LEMD1: variants seen among roughly 807,000 people sequenced by gnomAD.
LEMD1 encodes the protein LEM domain-containing protein 1.
LEMD1 carries 18 observed loss-of-function variants against 17.4 expected under a neutral mutation model. The ratio of observed to expected loss-of-function variants is 1.04; its 90% CI spans 0.72 to 1.54. The LOEUF (loss-of-function observed/expected upper bound fraction) is 1.54. LEMD1 is among the 40% of genes most tolerant of loss of function. The pLI, the probability that LEMD1 is intolerant of heterozygous loss-of-function variation, is 0.00. For missense variants in LEMD1, 195 were observed against 210.4 expected, an observed-to-expected ratio of 0.93 and a Z score of 0.45; for synonymous variants, 88 against 77.8, an observed-to-expected ratio of 1.13 and a Z score of -0.69.
At chr1:205,408,215 A>G (rs1363906804) in intron 4 of LEMD1, among the ~76,000 whole-genome samples, 2 of 152,098 alleles carry the variant, frequency 1.3e-5, no homozygotes, top group African/African-American at 4.8e-5. Flanking sequence ...GGAGGATCAT[A>G]TGGTGGTTAT....
At chr1:205,411,622 G>C (rs1665442666) in intron 4 of LEMD1, among the ~76,000 whole-genome samples, 1 of 143,066 alleles carries the variant, frequency 7.0e-6, no homozygotes, top group South Asian at 2.3e-4. Context: ...AAGAAGGAAA[G>C]AAGGAAGGAA....
intron 4 of LEMD1, among the ~76,000 whole-genome samples, chr1:205,404,158 C>A (rs1162338266): frequency 6.6e-6 from 1 of 152,010 alleles, no homozygotes; most frequent in East Asian, 1.9e-4. Context: ...TGGTGTGGTG[C>A]TGAAAAAAAT....
chr1:205,381,477 T>A lies in LEMD1; in HGVS notation c.*181A>T. 1 of 627,498 alleles carries A rather than the reference T, an allele frequency of 1.6e-6. No individual in the cohort carries two copies. The highest frequency in any genetic ancestry group is 2.8e-5 in the Admixed American group (1 of 35,216). The allele number at this position is 627,498 out of a possible 1,614,324, so 38.9% of individuals were successfully genotyped here. A position where few individuals can be genotyped will look rare whatever the true frequency, so the allele number is the denominator to read the frequency against. On this transcript the variant is annotated 3_prime_UTR_variant, in exon 6 of 6. Coordinates refer to ENST00000367153, the MANE Select transcript of LEMD1 (RefSeq NM_001199050.2). Reference sequence around the variant, plus strand: ...CCATCATGCTCTTAACACAGGTGCCTGGTTAGGCAGGTTCCTTCCACCTGG... The same window carrying A: ...CCATCATGCTCTTAACACAGGTGCCAGGTTAGGCAGGTTCCTTCCACCTGG...
At chr1:205,388,012 C>T (rs555895330) in intron 4 of LEMD1, among the ~76,000 whole-genome samples, 2 of 152,210 alleles carry the variant, frequency 1.3e-5, no homozygotes, top group Non-Finnish European at 2.9e-5. Context: ...AACCCTGAGG[C>T]ATGGAGCGTT....
At chr1:205,435,888 C>T (rs1666196664) in intron 1 of LEMD1, 1 of 152,208 alleles carries the variant, frequency 6.6e-6, no homozygotes. Flanking sequence ...TGAGGGGTGA[C>T]CTTAGGGGTT....
chr1:205,385,925 GGACT>G (rs1440080100), intron 4 of LEMD1: 2 of 152,452 alleles, frequency 1.3e-5, no homozygotes, highest in Non-Finnish European at 2.9e-5. Flanking sequence ...GACAGGGAAA[GGACT>G]GACAGAGACC....
At chr1:205,404,855 A>T (rs1032529762) in intron 4 of LEMD1, among the ~76,000 whole-genome samples, 3 of 151,832 alleles carry the variant, frequency 2.0e-5, no homozygotes, top group Non-Finnish European at 2.9e-5. Flanking sequence ...GTGCCTTTCC[A>T]TGTTTAGTGC....
At chr1:205,422,375 C>A (rs886329282), upstream of LEMD1, among the ~76,000 whole-genome samples, 1 of 152,114 alleles carries the variant, frequency 6.6e-6, no homozygotes, top group African/African-American at 2.4e-5. Flanking sequence ...CATCAAAAGG[C>A]CCATACTAGT....
chr1:205,385,155 T>C (rs1663930153), intron 4 of LEMD1: 1 of 152,148 alleles, frequency 6.6e-6, no homozygotes, highest in Admixed American at 6.5e-5. Context: ...CTCAGATCAC[T>C]CTTCTATGCT....
chr1:205,384,642 A>AT (rs1295638392), intron 4 of LEMD1, among the ~76,000 whole-genome samples: 2 of 152,214 alleles, frequency 1.3e-5, no homozygotes, highest in African/African-American at 4.8e-5. Flanking sequence ...CTGTTCTTAA[A>AT]TATCAGCTCT....
chr1:205,389,538 C>G (rs1664231043), intron 4 of LEMD1, among the ~76,000 whole-genome samples: 1 of 152,170 alleles, frequency 6.6e-6, no homozygotes, highest in Admixed American at 6.5e-5. Flanking sequence ...GCCCAGTTTC[C>G]TACCCTTTCT....
At chr1:205,415,595 T>G (rs1313529099) in intron 4 of LEMD1, among the ~76,000 whole-genome samples, 2 of 152,170 alleles carry the variant, frequency 1.3e-5, no homozygotes, top group African/African-American at 4.8e-5. Flanking sequence ...TGGAGTTCAT[T>G]ATTAAGCACT....
chr1:205,429,486 T>C (rs1352117789), intron 1 of LEMD1, among the ~76,000 whole-genome samples: 2 of 152,184 alleles, frequency 1.3e-5, no homozygotes, highest in South Asian at 2.1e-4. Context: ...GGAGGCCATA[T>C]GCAGCTCTGG....
At chr1:205,402,055 G>A (rs1664877368) in intron 4 of LEMD1, among the ~76,000 whole-genome samples, 1 of 152,078 alleles carries the variant, frequency 6.6e-6, no homozygotes, top group Non-Finnish European at 1.5e-5. Flanking sequence ...CTGTTCCATT[G>A]ATCTATATCT....
intron 1 of LEMD1, among the ~76,000 whole-genome samples, chr1:205,444,628 G>T (rs1485270100): frequency 6.6e-6 from 1 of 152,150 alleles, no homozygotes; most frequent in African/African-American, 2.4e-5. Context: ...GAGCAGGCCA[G>T]AAAGTAAGAT....
chr1:205,394,015 T>C (rs1196186363), intron 4 of LEMD1, among the ~76,000 whole-genome samples: 5 of 152,162 alleles, frequency 3.3e-5, no homozygotes, highest in Non-Finnish European at 7.3e-5. Flanking sequence ...TGGAATATAA[T>C]TCAGCCATAA....
chr1:205,429,089 C>G (rs562101739), intron 1 of LEMD1, among the ~76,000 whole-genome samples: 23 of 152,352 alleles, frequency 1.5e-4, no homozygotes, highest in Non-Finnish European at 2.5e-4. Flanking sequence ...CTGGATCAGA[C>G]AGTTGCCTCA....
At chr1:205,418,394 C>T (rs888207198) in intron 3 of LEMD1, among the ~76,000 whole-genome samples, 3 of 152,196 alleles carry the variant, frequency 2.0e-5, no homozygotes, top group African/African-American at 4.8e-5. Context: ...TCAGCAAAGC[C>T]CAGAGATCCT....
intron 1 of LEMD1, among the ~76,000 whole-genome samples, chr1:205,445,995 C>G (rs1666382195): frequency 6.6e-6 from 1 of 152,112 alleles, no homozygotes; most frequent in South Asian, 2.1e-4. Flanking sequence ...CATGGGCCCA[C>G]TCTCGCAAGG....
Sources: gnomAD v4.1 joint callset for allele counts (sites outside exome capture counted in the v4.1 genomes callset) on GRCh38, gnomAD v4.1.1 for gene constraint, MANE v1.5 for transcripts, NCBI Gene and HGNC (gene_info 2026-07-23, HGNC 2026-07-21) for gene names.